DNAH11: variants seen among roughly 807,000 people sequenced by gnomAD.
DNAH11 encodes the protein dynein axonemal heavy chain 11.
DNAH11 carries 442 observed loss-of-function variants against 526.0 expected under a neutral mutation model. That is an observed-to-expected ratio of 0.84 (90% CI 0.78 to 0.91). The LOEUF is 0.91. DNAH11 is among the 40% of genes least tolerant of loss of function. The pLI is 0.00. For missense variants in DNAH11, 6,989 were observed against 5,448.7 expected, an observed-to-expected ratio of 1.28 and a Z score of -8.90; for synonymous variants, 2,461 against 1,935.9, an observed-to-expected ratio of 1.27 and a Z score of -7.12.
chr7:21,702,994 A>G (rs1254875342), intron 37 of DNAH11, among the ~76,000 whole-genome samples, 192 bp downstream of exon 37: 3 of 152,222 alleles, frequency 2.0e-5, no homozygotes, highest in Non-Finnish European at 2.9e-5. Flanking sequence ...CAAAGATATG[A>G]ATCTGGAAAA....
intron 59 of DNAH11, 48 bp downstream of exon 59, chr7:21,786,815 G>T (rs377733433): frequency 1.2e-6 from 2 of 1,608,190 alleles, no homozygotes; most frequent in Non-Finnish European, 1.7e-6. Context: ...TTTCCATACT[G>T]TTTTCAGTAC....
rs17145080 is a variant in DNAH11 at position 21,707,911 on chromosome 7, A to C, written c.6683+76A>C. ...CCGTTTTTCAGTACAAGCCAATTTTAGTCATAGTCGCAGACTTACTGTTTA... is the reference window on the plus strand; with the variant it reads ...CCGTTTTTCAGTACAAGCCAATTTTCGTCATAGTCGCAGACTTACTGTTTA... On this transcript the variant is annotated intron_variant, in intron 40 of 81. Coordinates refer to ENST00000409508, the MANE Select transcript of DNAH11 (RefSeq NM_001277115.2). 8.9e-3 allele frequency: 13,055 copies of C among 1,460,916 alleles called. 331 individuals carry two copies. Among genetic ancestry groups the C allele is most frequent in the African/African-American group, 0.086 (6,060 of 70,764 alleles). The allele number at this position is 1,460,916 out of a possible 1,614,324, so 90.5% of individuals were successfully genotyped here.
chr7:21,642,260 A>G (rs891908075), intron 28 of DNAH11, among the ~76,000 whole-genome samples: 2 of 73,090 alleles, frequency 2.7e-5, no homozygotes, highest in Non-Finnish European at 4.3e-5. Flanking sequence ...GTCTATCATT[A>G]GAAGTGTTTA....
intron 69 of DNAH11, among the ~76,000 whole-genome samples, chr7:21,863,063 CAAAA>C (rs373065417): frequency 2.4e-5 from 1 of 42,346 alleles, no homozygotes. Flanking sequence ...GACTCCGTCT[CAAAA>C]AAAAAAAAAA....
chr7:21,901,688 C>T lies in DNAH11; in HGVS notation c.*434C>T, dbSNP rs1784871062. 6.4e-6 allele frequency: 1 copy of T among 156,394 alleles called. No individual in the cohort carries two copies. Among genetic ancestry groups the T allele is most frequent in the Non-Finnish European group, 1.4e-5 (1 of 70,824 alleles). 9.7% of individuals were successfully genotyped at this position (156,394 alleles called of 1,614,324 possible). On this transcript the variant is annotated 3_prime_UTR_variant, in exon 82 of 82. Coordinates refer to ENST00000409508, the MANE Select transcript of DNAH11 (RefSeq NM_001277115.2). ...ACAAATTAAATTATTAGCCCTTAAA[C>T]TCTTTCAAAATATAAAAGCAGCAGG...
chr7:21,602,249 G>A lies in DNAH11; in HGVS notation c.3648+631G>A, dbSNP rs376893406. ...ACCTACTCAGGAGGCTGAGGCAGAA[G>A]AATCGTTTGAACTCGGGAGGTGAAG... On this transcript the variant is annotated intron_variant, in intron 18 of 81. Coordinates refer to ENST00000409508, the MANE Select transcript of DNAH11 (RefSeq NM_001277115.2). 6.8e-4 allele frequency among the ~76,000 whole-genome samples: 104 copies of A among 152,272 alleles called. 3 individuals are homozygous for A. In the South Asian group the frequency reaches 0.021, roughly 31 times the overall value.
intron 45 of DNAH11, among the ~76,000 whole-genome samples, chr7:21,726,451 TC>T (rs1785108555): frequency 7.4e-6 from 1 of 134,820 alleles, no homozygotes; most frequent in South Asian, 2.8e-4. Flanking sequence ...GCTGATGTGA[TC>T]CCTTTTTAAA....
chr7:21,653,836 TGAAAA>T (rs1177995465), intron 28 of DNAH11, among the ~76,000 whole-genome samples: 1 of 152,162 alleles, frequency 6.6e-6, no homozygotes, highest in African/African-American at 2.4e-5. Context: ...ACAGCAAAAA[TGAAAA>T]GGCTGAAAGC....
chr7:21,892,697 C>A (rs1784369303), intron 77 of DNAH11, 30 bp downstream of exon 77: 2 of 1,546,056 alleles, frequency 1.3e-6, no homozygotes, highest in South Asian at 1.2e-5. Flanking sequence ...TTTTCTTTTT[C>A]ATTGAAGTAT....
At chr7:21,780,161 A>AAAT (rs1787876500) in intron 57 of DNAH11, among the ~76,000 whole-genome samples, 1 of 152,104 alleles carries the variant, frequency 6.6e-6, no homozygotes, top group Admixed American at 6.6e-5. Flanking sequence ...GATAAGGCAC[A>AAAT]TTTGGCATGC....
chr7:21,697,263 G>C (rs1421205736), intron 35 of DNAH11, among the ~76,000 whole-genome samples: 1 of 151,916 alleles, frequency 6.6e-6, no homozygotes, highest in Non-Finnish European at 1.5e-5. Flanking sequence ...ATTGTCTTTG[G>C]AGAGGGACTT....
intron 37 of DNAH11, chr7:21,703,646 C>T (rs1316710814): frequency 6.6e-6 from 1 of 152,136 alleles, no homozygotes; most frequent in Non-Finnish European, 1.5e-5. Flanking sequence ...AATCACCTCC[C>T]ACTAAGCCCT....
At chr7:21,543,807 G>T (rs1782694811) in intron 1 of DNAH11, 2 of 587,522 alleles carry the variant, frequency 3.4e-6, no homozygotes, top group African/African-American at 1.9e-5. Flanking sequence ...TAAGTCAGCA[G>T]TTTGTATCTG....
intron 65 of DNAH11, among the ~76,000 whole-genome samples, chr7:21,833,895 C>A (rs1172492220): frequency 6.6e-6 from 1 of 151,872 alleles, no homozygotes; most frequent in African/African-American, 2.4e-5. Flanking sequence ...TACAGCAAAA[C>A]GATAATAATA....
intron 77 of DNAH11, 144 bp from the exon 78 acceptor site, chr7:21,894,479 C>T (rs551663437): frequency 3.2e-5 from 25 of 782,410 alleles, no homozygotes; most frequent in African/African-American, 2.6e-4. Context: ...TCCTGGGAGC[C>T]GTAGGCATCC....
chr7:21,752,519 T>C (rs1786456748), intron 54 of DNAH11, among the ~76,000 whole-genome samples: 1 of 152,198 alleles, frequency 6.6e-6, no homozygotes, highest in African/African-American at 2.4e-5. Context: ...ATGTATATTT[T>C]TCCTATTCTT....
At chr7:21,720,313 T>G (rs1460759263) in intron 43 of DNAH11, among the ~76,000 whole-genome samples, 2 of 152,204 alleles carry the variant, frequency 1.3e-5, no homozygotes, top group Admixed American at 6.5e-5. Flanking sequence ...CCAGTGGTGG[T>G]GTAGAGTAAC....
rs192797811 is a variant in DNAH11 at position 21,550,508 on chromosome 7, T to C, written c.495+5359T>C. On this transcript the variant is annotated intron_variant, in intron 2 of 81. Transcript: ENST00000409508. Reference sequence around the variant, plus strand: ...TAGAGGGATAATCCCAAGTCTTTTCTTGGGGCTGTTCTAATCCTAAGGAGT... The same window carrying C: ...TAGAGGGATAATCCCAAGTCTTTTCCTGGGGCTGTTCTAATCCTAAGGAGT... 4.6e-3 allele frequency among the ~76,000 whole-genome samples: 705 copies of C among 152,302 alleles called. 6 individuals carry two copies. Among genetic ancestry groups the C allele is most frequent in the African/African-American group, 0.016 (664 of 41,558 alleles).
intron 57 of DNAH11, among the ~76,000 whole-genome samples, chr7:21,783,690 A>G (rs1788051809): frequency 6.8e-6 from 1 of 146,790 alleles, no homozygotes; most frequent in African/African-American, 2.5e-5. Context: ...GTTTACCAGC[A>G]TGACTTTCCT....
Sources: allele counts gnomAD v4.1 joint callset (sites outside exome capture counted in the v4.1 genomes callset), GRCh38; gene constraint gnomAD v4.1.1; transcripts MANE v1.5; gene names NCBI Gene and HGNC (gene_info 2026-07-23, HGNC 2026-07-21).